Variants in NRXN1 observed in about 807,000 individuals in gnomAD.
The protein encoded by NRXN1 is neurexin-1.
Under a neutral mutation model 150.9 loss-of-function variants are expected in NRXN1, and 39 were observed. The ratio of observed to expected loss-of-function variants is 0.26; its 90% CI spans 0.20 to 0.34. NRXN1 has a LOEUF of 0.34. Among genes scored for constraint, NRXN1 ranks in the 10% least tolerant of loss-of-function variants. The pLI, the probability that NRXN1 is intolerant of heterozygous loss-of-function variation, is 1.00. For missense variants in NRXN1, 1,815 were observed against 1,949.9 expected (o/e 0.93, Z 1.30); for synonymous variants, 924 against 757.0 (o/e 1.22, Z -3.62).
chr2:50,786,890 A>C (rs1705200600), intron 5 of NRXN1, among the ~76,000 whole-genome samples: 1 of 152,280 alleles, frequency 6.6e-6, no homozygotes, highest in South Asian at 2.1e-4. Flanking sequence ...CTAATAACAT[A>C]TAAAAAAATG....
At chr2:50,398,183 A>C (rs896093745) in intron 17 of NRXN1, among the ~76,000 whole-genome samples, 1 of 152,128 alleles carries the variant, frequency 6.6e-6, no homozygotes, top group African/African-American at 2.4e-5. Flanking sequence ...AACTCCCAGC[A>C]CTTGTAGAAC....
chr2:50,496,287 C>T (rs2091615799), intron 14 of NRXN1, among the ~76,000 whole-genome samples, 192 bp from the exon 15 acceptor site: 1 of 152,080 alleles, frequency 6.6e-6, no homozygotes, highest in Non-Finnish European at 1.5e-5. Context: ...GAGGATTATT[C>T]AGTGTTTTAA....
At chr2:50,975,496 T>C (rs62142994) in intron 2 of NRXN1, among the ~76,000 whole-genome samples, 19,096 of 152,150 alleles carry the variant, frequency 0.13, 1,342 homozygotes, top group Admixed American at 0.15. Flanking sequence ...GCTGTGATTC[T>C]ACTATTTCCT....
At chr2:50,674,166 T>G (rs1225403483) in intron 5 of NRXN1, among the ~76,000 whole-genome samples, 2 of 152,146 alleles carry the variant, frequency 1.3e-5, no homozygotes, top group Admixed American at 6.6e-5. Context: ...TTACAAGGTA[T>G]CATGGCATTT....
chr2:50,340,909 G>A (rs1045707387), intron 17 of NRXN1, among the ~76,000 whole-genome samples: 2 of 152,152 alleles, frequency 1.3e-5, no homozygotes, highest in African/African-American at 4.8e-5. Context: ...AACAGTAAAG[G>A]AAAGCTGGTT....
At chr2:50,189,328 G>C (rs1434423002) in intron 18 of NRXN1, among the ~76,000 whole-genome samples, 5 of 151,924 alleles carry the variant, frequency 3.3e-5, no homozygotes, top group African/African-American at 1.2e-4. Context: ...AGAACACATG[G>C]ACACAGGGAG....
At chr2:50,423,677 A>C (rs894362500) in intron 17 of NRXN1, among the ~76,000 whole-genome samples, 14 of 152,082 alleles carry the variant, frequency 9.2e-5, no homozygotes, top group Admixed American at 3.9e-4. Context: ...CCCACCCACC[A>C]AGAGCTTCCA....
intron 8 of NRXN1, among the ~76,000 whole-genome samples, chr2:50,571,570 C>A (rs1334775041): frequency 6.6e-6 from 1 of 151,920 alleles, no homozygotes; most frequent in African/African-American, 2.4e-5. Flanking sequence ...TGTTCAGTTT[C>A]GGATCTGCTA....
chr2:50,294,259 A>T (rs1468759419), intron 17 of NRXN1, among the ~76,000 whole-genome samples: 2 of 152,214 alleles, frequency 1.3e-5, no homozygotes, highest in African/African-American at 2.4e-5. Context: ...CCAGGTAGTT[A>T]TCTGTATAGC....
At chr2:50,801,253 T>A (rs958588670) in intron 5 of NRXN1, among the ~76,000 whole-genome samples, 1 of 152,204 alleles carries the variant, frequency 6.6e-6, no homozygotes, top group Admixed American at 6.5e-5. Context: ...TCAATTTTTC[T>A]GAGTCAAATC....
At chr2:49,976,186 C>T (rs1385932614) in intron 21 of NRXN1, among the ~76,000 whole-genome samples, 1 of 115,592 alleles carries the variant, frequency 8.7e-6, no homozygotes, top group Admixed American at 8.2e-5. Context: ...CCACGCCCAG[C>T]TAATTTTTTT....
intron 5 of NRXN1, among the ~76,000 whole-genome samples, chr2:50,660,286 C>T (rs1346716653): frequency 6.6e-6 from 1 of 151,952 alleles, no homozygotes; most frequent in Non-Finnish European, 1.5e-5. Context: ...TAATAAATTG[C>T]AAGGTTAGAA....
intron 5 of NRXN1, among the ~76,000 whole-genome samples, chr2:50,865,633 A>G (rs1165871536): frequency 1.6e-5 from 2 of 127,072 alleles, no homozygotes; most frequent in Non-Finnish European, 3.3e-5. Context: ...CCTGGCACAC[A>G]GTAATTCCCA....
chr2:49,922,249 T>C lies in NRXN1; in HGVS notation c.4219A>G (p.Asn1407Asp). Residue 1407 changes from asparagine to aspartate, a missense_variant and splice_region_variant, in exon 23 of 23, where the codon AAC (asparagine) becomes GAC (aspartate). This residue lies in a region of NRXN1 where 265 missense variants were observed against 307.1 expected (regional missense o/e 0.86). Transcript: ENST00000401669. Reference sequence around the variant, plus strand: ...TCTCTGCCGCCTGCTCGGGTTGGGTTGGCTATAGAAAAGAGGATGAGAACA... The same window carrying C: ...TCTCTGCCGCCTGCTCGGGTTGGGTCGGCTATAGAAAAGAGGATGAGAACA... Reference protein sequence around the residue: ...PCEPSSGGLANPTRAGGREPY... With the variant: ...PCEPSSGGLADPTRAGGREPY... The C allele has an allele frequency of 6.2e-7, 1 of 1,613,032 alleles. No individual in the cohort carries two copies. Among genetic ancestry groups the C allele is most frequent in the Non-Finnish European group, 8.5e-7 (1 of 1,179,376 alleles).
At chr2:50,978,271 C>CATATATATATATAT (rs10671122) in intron 2 of NRXN1, among the ~76,000 whole-genome samples, 3,434 of 94,210 alleles carry the variant, frequency 0.036, 171 homozygotes, top group Non-Finnish European at 0.051. Context: ...GGATATTATA[C>CATATATATATATAT]ATATATATAT....
intron 2 of NRXN1, among the ~76,000 whole-genome samples, chr2:50,933,972 G>A (rs1688152295): frequency 6.6e-6 from 1 of 151,604 alleles, no homozygotes; most frequent in South Asian, 2.1e-4. Context: ...TATGACTACC[G>A]GCAAGTCTGC....
At chr2:50,038,281 A>T (rs1261333328) in intron 21 of NRXN1, among the ~76,000 whole-genome samples, 7 of 152,186 alleles carry the variant, frequency 4.6e-5, no homozygotes, top group African/African-American at 1.7e-4. Flanking sequence ...CTTCGCTTGC[A>T]TGTGGGCTAG....
intron 5 of NRXN1, among the ~76,000 whole-genome samples, chr2:50,777,906 G>A (rs1453319359): frequency 2.6e-5 from 4 of 152,142 alleles, no homozygotes; most frequent in African/African-American, 9.7e-5. Context: ...CCTGCATGTA[G>A]AAATGCTTAA....
In NRXN1 at chr2:50,407,933, G is replaced by C. The variant is rs13382506; in HGVS notation, c.3364+57509C>G. Among the ~76,000 whole-genome samples, 327 of 152,062 alleles carry C rather than the reference G, an allele frequency of 2.2e-3. 1 individual carries two copies. The highest frequency in any genetic ancestry group is 7.5e-3 in the African/African-American group (311 of 41,492). On this transcript the variant is annotated intron_variant, in intron 17 of 22. Transcript: ENST00000401669. Reference sequence around the variant, plus strand: ...CTCTGTACATGGCTTGGGCTTCATCGTCTTCTCACTCATACTATTTTAACA... The same window carrying C: ...CTCTGTACATGGCTTGGGCTTCATCCTCTTCTCACTCATACTATTTTAACA...
Sources: gnomAD v4.1 joint callset for allele counts (sites outside exome capture counted in the v4.1 genomes callset) on GRCh38, gnomAD v4.1.1 for gene constraint, gnomAD v4.1.1 regional missense constraint, MANE v1.5 for transcripts, NCBI Gene and HGNC (gene_info 2026-07-23, HGNC 2026-07-21) for gene names.